The following CSNK1A1 variants were observed in gnomAD, a reference collection of about 807,000 sequenced individuals.
The protein encoded by CSNK1A1 is casein kinase 1 alpha 1, also known as casein kinase I isoform alpha.
Under a neutral mutation model 46.1 loss-of-function variants are expected in CSNK1A1, and 7 were observed. The observed-to-expected ratio is 0.15, with a 90% confidence interval of 0.09 to 0.29. The LOEUF (loss-of-function observed/expected upper bound fraction) is 0.29, where lower values mean the gene tolerates loss of function less well. CSNK1A1 is among the 10% of genes least tolerant of loss of function. The pLI, the probability that CSNK1A1 is intolerant of heterozygous loss-of-function variation, is 1.00. For missense variants in CSNK1A1, 96 were observed against 417.1 expected, an observed-to-expected ratio of 0.23 and a Z score of 6.71; for synonymous variants, 137 against 141.5, an observed-to-expected ratio of 0.97 and a Z score of 0.23.
At chr5:149,531,042 A>G (rs1761881041) in intron 2 of CSNK1A1, among the ~76,000 whole-genome samples, 1 of 151,652 alleles carries the variant, frequency 6.6e-6, no homozygotes, top group African/African-American at 2.4e-5. Context: ...AATCCTTTCA[A>G]TTTTCCTATA....
rs1349993591 is a variant in CSNK1A1 at position 149,497,300 on chromosome 5, T to C, written c.1007-440A>G. ...AAATTAAAACGGTTAGCTTTAATAA[T>C]AAATGCATTCAAAGCATAATTATCT... On this transcript the variant is annotated intron_variant, in intron 9 of 9. Transcript: ENST00000377843. The C allele has an allele frequency of 2.8e-5, 28 of 990,212 alleles. No individual in the cohort carries two copies. The South Asian group carries it at 6.4e-4, about 23-fold the overall frequency. The allele number at this position is 990,212 out of a possible 1,614,324, so 61.3% of individuals were successfully genotyped here.
chr5:149,538,021 T>G (rs974174824), intron 2 of CSNK1A1, among the ~76,000 whole-genome samples: 1 of 138,120 alleles, frequency 7.2e-6, no homozygotes, highest in Non-Finnish European at 1.6e-5. Context: ...CCAGTTTTTT[T>G]TTTTTTTTTT....
chr5:149,551,189 C>T lies in CSNK1A1; in HGVS notation c.-225G>A, dbSNP rs1762647637. 7.4e-6 allele frequency: 3 copies of T among 403,184 alleles called. No individual in the cohort carries two copies. Among genetic ancestry groups the T allele is most frequent in the African/African-American group, 4.2e-5 (2 of 48,072 alleles). The allele number at this position is 403,184 out of a possible 1,614,324, so 25.0% of individuals were successfully genotyped here. A position where few individuals can be genotyped will look rare whatever the true frequency, so the allele number is the denominator to read the frequency against. On this transcript the variant is annotated 5_prime_UTR_variant, in exon 1 of 10. Transcript: ENST00000377843. ...AGGCCGCAGTTTGTGAAGGGCTTCT[C>T]GGCGGTTACCAGGCTGGGCCACTTG...
At chr5:149,527,535 G>A (rs1408046358) in intron 2 of CSNK1A1, among the ~76,000 whole-genome samples, 2 of 152,026 alleles carry the variant, frequency 1.3e-5, no homozygotes, top group Non-Finnish European at 2.9e-5. Context: ...TTTCACATTC[G>A]CTGAAACATT....
intron 9 of CSNK1A1, chr5:149,503,498 A>G: frequency 3.0e-6 from 3 of 985,434 alleles, no homozygotes; most frequent in Non-Finnish European, 3.6e-6. Flanking sequence ...GTGTTTTATG[A>G]AAAGCCTAAT....
chr5:149,501,565 C>A (rs1760857157), intron 9 of CSNK1A1: 19 of 985,174 alleles, frequency 1.9e-5, no homozygotes, highest in Non-Finnish European at 2.3e-5. Context: ...GTAATCCCCT[C>A]TGAATGTCAA....
At chr5:149,501,471 G>T in intron 9 of CSNK1A1, 5 of 985,394 alleles carry the variant, frequency 5.1e-6, no homozygotes, top group Non-Finnish European at 6.0e-6. Flanking sequence ...AGACATAAAC[G>T]GTAGATGCAG....
intron 7 of CSNK1A1, 56 bp downstream of exon 7, chr5:149,509,823 G>A (rs1363087885): frequency 3.0e-6 from 4 of 1,330,706 alleles, no homozygotes; most frequent in African/African-American, 2.9e-5. Flanking sequence ...TTACAGGTGT[G>A]AGCCATTGTG....
chr5:149,535,611 T>A (rs1003102854), intron 2 of CSNK1A1, among the ~76,000 whole-genome samples: 2 of 152,184 alleles, frequency 1.3e-5, no homozygotes, highest in African/African-American at 4.8e-5. Context: ...TAATACACTA[T>A]TAAGAGACCA....
Position 149,495,331 on chromosome 5 carries a change from C to T in CSNK1A1, c.*1522G>A, listed in dbSNP as rs372510506. ...TACCTACATTTACACAATAGGCTCC[C>T]GGCAGCATTTCCAGACAAATGTTCT... On this transcript the variant is annotated 3_prime_UTR_variant, in exon 10 of 10. Transcript: ENST00000377843. 1.1e-4 allele frequency: 16 copies of T among 152,248 alleles called. No individual in the cohort carries two copies. In the East Asian group the frequency reaches 2.1e-3, roughly 20 times the overall value. 9.4% of individuals were successfully genotyped at this position (152,248 alleles called of 1,614,324 possible).
chr5:149,502,909 T>C (rs1760917201), intron 9 of CSNK1A1: 1 of 563,458 alleles, frequency 1.8e-6, no homozygotes, highest in South Asian at 7.7e-5. Flanking sequence ...GCTGGGACCA[T>C]AGGTGCACGC....
At chr5:149,515,760 C>CA (rs1267777951) in intron 4 of CSNK1A1, among the ~76,000 whole-genome samples, 8 of 152,102 alleles carry the variant, frequency 5.3e-5, no homozygotes, top group Non-Finnish European at 1.2e-4. Context: ...GAAATGTTTA[C>CA]ATGAAACCAC....
intron 2 of CSNK1A1, chr5:149,529,657 G>C (rs766981157): frequency 1.5e-5 from 7 of 455,102 alleles, no homozygotes; most frequent in Admixed American, 4.7e-5. Context: ...GAAGAGTCAA[G>C]GTGGCAGATA....
chr5:149,531,332 C>T (rs555218530), intron 2 of CSNK1A1, among the ~76,000 whole-genome samples: 1 of 151,742 alleles, frequency 6.6e-6, no homozygotes, highest in East Asian at 1.9e-4. Flanking sequence ...GTCGGCAATT[C>T]GAGACCAGCC....
intron 2 of CSNK1A1, among the ~76,000 whole-genome samples, chr5:149,531,436 T>C (rs540925300): frequency 1.8e-4 from 27 of 151,926 alleles, no homozygotes; most frequent in African/African-American, 6.5e-4. Flanking sequence ...GAAAATTGCT[T>C]GAACCCGGGA....
chr5:149,510,475 T>G (rs966970372), intron 6 of CSNK1A1, among the ~76,000 whole-genome samples: 1 of 151,436 alleles, frequency 6.6e-6, no homozygotes, highest in Non-Finnish European at 1.5e-5. Context: ...TTTGTTTTTT[T>G]GTTTGTTTGT....
At chr5:149,523,505 G>A (rs10071773) in intron 3 of CSNK1A1, among the ~76,000 whole-genome samples, 2,865 of 152,346 alleles carry the variant, frequency 0.019, 101 homozygotes, top group African/African-American at 0.064. Flanking sequence ...GAGCCAGTGT[G>A]CCGCGCCACT....
rs1760638663 is a variant in CSNK1A1, at chr5:149,495,808, CT to C, written c.*1044del. On this transcript the variant is annotated 3_prime_UTR_variant, in exon 10 of 10. Transcript: ENST00000377843. ...CTTTCCCCTTCAGACAAAAGAATTACTTTTTTCATTTTTCTTAAAAAAAGAG... is the reference window on the plus strand; with the variant it reads ...CTTTCCCCTTCAGACAAAAGAATTACTTTTTCATTTTTCTTAAAAAAAGAG... The C allele has an allele frequency of 7.0e-6, 1 of 142,602 alleles. No individual in the cohort carries two copies. The highest frequency in any genetic ancestry group is 2.6e-5 in the African/African-American group (1 of 38,838). The allele number at this position is 142,602 out of a possible 1,614,324, so 8.8% of individuals were successfully genotyped here. A position where few individuals can be genotyped will look rare whatever the true frequency, so the allele number is the denominator to read the frequency against.
chr5:149,544,824 T>C (rs569355546), intron 2 of CSNK1A1, among the ~76,000 whole-genome samples: 1 of 146,436 alleles, frequency 6.8e-6, no homozygotes, highest in Non-Finnish European at 1.5e-5. Flanking sequence ...TAGTAGTAGT[T>C]AAGCTTTTGG....
Sources: allele counts gnomAD v4.1 joint callset (sites outside exome capture counted in the v4.1 genomes callset), GRCh38; gene constraint gnomAD v4.1.1; transcripts MANE v1.5; gene names NCBI Gene and HGNC (gene_info 2026-07-23, HGNC 2026-07-21).